CAPZB: variants seen among roughly 807,000 people sequenced by gnomAD.
CAPZB encodes the protein F-actin-capping protein subunit beta.
In CAPZB, 2 loss-of-function variants were observed where a neutral mutation model predicts 38.1. The observed-to-expected ratio is 0.05, with a 90% confidence interval of 0.02 to 0.17. The LOEUF (loss-of-function observed/expected upper bound fraction) is 0.17, where lower values mean the gene tolerates loss of function less well. Ranked by LOEUF, CAPZB falls within the 10% of genes least tolerant of loss-of-function variation. The pLI, the probability that CAPZB is intolerant of heterozygous loss-of-function variation, is 1.00. For missense variants in CAPZB, 161 were observed against 334.2 expected (o/e 0.48, Z 4.04); for synonymous variants, 107 against 127.4 (o/e 0.84, Z 1.08).
chr1:19,456,708 T>C (rs962289039), intron 1 of CAPZB, among the ~76,000 whole-genome samples: 3 of 152,148 alleles, frequency 2.0e-5, no homozygotes, highest in African/African-American at 2.4e-5. Context: ...GGGCTGCCCA[T>C]GGAGTCTATT....
At chr1:19,374,721 C>T (rs554417178) in intron 4 of CAPZB, among the ~76,000 whole-genome samples, 1 of 152,338 alleles carries the variant, frequency 6.6e-6, no homozygotes, top group Non-Finnish European at 1.5e-5. Flanking sequence ...TTCCTGGCCC[C>T]TCAGGCAGCA....
intron 2 of CAPZB, among the ~76,000 whole-genome samples, chr1:19,392,219 G>A (rs962692049): frequency 4.0e-5 from 6 of 151,138 alleles, no homozygotes; most frequent in African/African-American, 4.9e-5. Flanking sequence ...GGCAGGAAGC[G>A]AACCTGCAGG....
At chr1:19,442,642 C>T (rs973730788) in intron 1 of CAPZB, among the ~76,000 whole-genome samples, 4 of 152,162 alleles carry the variant, frequency 2.6e-5, no homozygotes, top group Non-Finnish European at 4.4e-5. Flanking sequence ...AAAGCCCTCC[C>T]GGGGCAGGGG....
At position 19,338,801 on chromosome 1, in the gene CAPZB, G is replaced by A. The variant is rs1222939481; in HGVS notation, c.*729C>T. The A allele has an allele frequency of 6.6e-6, 1 of 152,508 alleles. No homozygotes were observed. The highest frequency in any genetic ancestry group is 2.4e-5 in the African/African-American group (1 of 41,452). 9.4% of individuals were successfully genotyped at this position (152,508 alleles called of 1,614,324 possible). On this transcript the variant is annotated 3_prime_UTR_variant, in exon 9 of 9. Transcript: ENST00000264202. ...AACTGCGCCCCAGTTTCTTTTTATTGATTTCTTTTCTTTTCTTTTTTTAAG... is the reference window on the plus strand; with the variant it reads ...AACTGCGCCCCAGTTTCTTTTTATTAATTTCTTTTCTTTTCTTTTTTTAAG...
In CAPZB at chr1:19,385,548, C is replaced by G; in HGVS notation, c.172G>C (p.Asp58His). Reference sequence around the variant, plus strand: ...CTGTTGTAGTCACACAAAAGGTAATCCTTTCCCACCACCTTGTCTCTGGCA... The same window carrying G: ...CTGTTGTAGTCACACAAAAGGTAATGCTTTCCCACCACCTTGTCTCTGGCA... ...KIARDKVVGK[D>H]YLLCDYNRDG... The change falls in exon 3 of 9, where the codon GAT (aspartate) becomes CAT (histidine). Residue 58 changes from aspartate to histidine, a missense_variant. Physicochemically the swap from Asp to His is moderately conservative, Grantham distance 81 (BLOSUM62 -1). Transcript: ENST00000264202. 6.2e-7 allele frequency: 1 copy of G among 1,613,962 alleles called. No homozygotes were observed. Among genetic ancestry groups the G allele is most frequent in the Non-Finnish European group, 8.5e-7 (1 of 1,180,020 alleles).
At chr1:19,370,110 G>A (rs995072403) in intron 4 of CAPZB, among the ~76,000 whole-genome samples, 2 of 152,130 alleles carry the variant, frequency 1.3e-5, no homozygotes, top group African/African-American at 2.4e-5. Flanking sequence ...CCCAGAGCCC[G>A]CACCCCACAG....
chr1:19,484,026 T>A (rs1311481308), intron 1 of CAPZB, among the ~76,000 whole-genome samples: 1 of 152,164 alleles, frequency 6.6e-6, no homozygotes, highest in Non-Finnish European at 1.5e-5. Context: ...CCAACCTAAG[T>A]GCTGGGCCTG....
At chr1:19,402,283 C>G (rs534492283) in intron 2 of CAPZB, among the ~76,000 whole-genome samples, 1 of 152,360 alleles carries the variant, frequency 6.6e-6, no homozygotes, top group East Asian at 1.9e-4. Flanking sequence ...TTTGTCTCAA[C>G]AGAGGCAACA....
chr1:19,429,560 A>G (rs184819857), intron 1 of CAPZB, among the ~76,000 whole-genome samples: 1 of 152,306 alleles, frequency 6.6e-6, no homozygotes, highest in East Asian at 1.9e-4. Context: ...CTCACGGGCC[A>G]CTGGGAATGA....
At chr1:19,380,895 CGCGGTAGCTCACACCT>C (rs2094170811) in intron 3 of CAPZB, among the ~76,000 whole-genome samples, 1 of 152,168 alleles carries the variant, frequency 6.6e-6, no homozygotes, top group South Asian at 2.1e-4. Context: ...TTTGGCCAGG[CGCGGTAGCTCACACCT>C]GCAATCCCAG....
intron 1 of CAPZB, among the ~76,000 whole-genome samples, chr1:19,465,498 T>G (rs1242954246): frequency 6.6e-6 from 1 of 152,142 alleles, no homozygotes; most frequent in South Asian, 2.1e-4. Context: ...ACTAAGACAA[T>G]GTATATATTT....
chr1:19,345,090 G>A, intron 7 of CAPZB, 97 bp downstream of exon 7: 1 of 929,398 alleles, frequency 1.1e-6, no homozygotes, highest in Non-Finnish European at 1.7e-6. Flanking sequence ...GGAGCTGAGA[G>A]AAAGCAGCAG....
At chr1:19,432,653 C>G (rs2094446272) in intron 1 of CAPZB, among the ~76,000 whole-genome samples, 1 of 152,200 alleles carries the variant, frequency 6.6e-6, no homozygotes, top group African/African-American at 2.4e-5. Flanking sequence ...ACAACAGCTG[C>G]AGGAGGTGGC....
chr1:19,438,103 C>T (rs1399527516), intron 1 of CAPZB, among the ~76,000 whole-genome samples: 3 of 152,144 alleles, frequency 2.0e-5, no homozygotes, highest in East Asian at 1.9e-4. Flanking sequence ...GGGAGGGGAC[C>T]GGGCACATGG....
intron 2 of CAPZB, among the ~76,000 whole-genome samples, chr1:19,413,534 A>G (rs1266904681): frequency 1.3e-5 from 2 of 152,152 alleles, no homozygotes; most frequent in African/African-American, 2.4e-5. Flanking sequence ...GAGTCTCCCT[A>G]TGTTGCCCAG....
At chr1:19,342,683 G>C (rs965882904) in intron 8 of CAPZB, 17 of 969,786 alleles carry the variant, frequency 1.8e-5, no homozygotes, top group African/African-American at 3.2e-5. Context: ...CAGCCGGACC[G>C]GCAGGGTCTC....
At position 19,350,908 on chromosome 1, in the gene CAPZB, G is replaced by A. The variant is rs183305333; in HGVS notation, c.589-5656C>T. On this transcript the variant is annotated intron_variant, in intron 6 of 8. Transcript: ENST00000264202. ...TGGGATTACAGGCATGAGCCATCGC[G>A]CCTGGCAAAAGTTATTATTTATTGA... Among the ~76,000 whole-genome samples, 877 of 150,560 alleles carry A rather than the reference G, an allele frequency of 5.8e-3. 6 individuals are homozygous for A. The highest frequency in any genetic ancestry group is 0.019 in the African/African-American group (795 of 40,918).
At chr1:19,388,735 G>A (rs1376531996) in intron 2 of CAPZB, among the ~76,000 whole-genome samples, 1 of 152,248 alleles carries the variant, frequency 6.6e-6, no homozygotes, top group African/African-American at 2.4e-5. Flanking sequence ...CTGCTCTGCT[G>A]TGAGCTGGCC....
Position 19,458,498 on chromosome 1 carries a change from G to A in CAPZB, c.3+26938C>T, listed in dbSNP as rs529126875. Among the ~76,000 whole-genome samples the A allele has an allele frequency of 2.1e-3, 321 of 152,278 alleles. 2 individuals carry two copies. The highest frequency in any genetic ancestry group is 7.5e-3 in the African/African-American group (311 of 41,558). ...GCCTCCCAAGTAGCTGGGATTACAG[G>A]TGCCTGCCACCAAGCCTGGCTAATT... On this transcript the variant is annotated intron_variant, in intron 1 of 8. Coordinates refer to ENST00000264202, the MANE Select transcript of CAPZB (RefSeq NM_004930.5).
Sources: gnomAD v4.1 joint callset for allele counts (sites outside exome capture counted in the v4.1 genomes callset) on GRCh38, gnomAD v4.1.1 for gene constraint, MANE v1.5 for transcripts, NCBI Gene and HGNC (gene_info 2026-07-23, HGNC 2026-07-21) for gene names.